ZNF33B: variants seen among roughly 807,000 people sequenced by gnomAD.
ZNF33B encodes zinc finger protein 11b (KOX 2).
In ZNF33B, 29 loss-of-function variants were observed where a neutral mutation model predicts 45.8. The ratio of observed to expected loss-of-function variants is 0.63; its 90% CI spans 0.47 to 0.86. The LOEUF (loss-of-function observed/expected upper bound fraction) is 0.86. Among genes scored for constraint, ZNF33B ranks in the 40% least tolerant of loss-of-function variants. The pLI, the probability that ZNF33B is intolerant of heterozygous loss-of-function variation, is 0.00. For synonymous variants in ZNF33B, 305 were observed against 307.8 expected (o/e 0.99, Z 0.10); for missense variants, 831 against 909.9 (o/e 0.91, Z 1.12).
At chr10:42,598,865 C>CT (rs1837504654) in intron 4 of ZNF33B, among the ~76,000 whole-genome samples, 2 of 152,148 alleles carry the variant, frequency 1.3e-5, no homozygotes, top group Admixed American at 1.3e-4. Context: ...TGCAATGTCT[C>CT]TGTCTGGTTT....
At chr10:42,587,730 C>T (rs538351201), downstream of ZNF33B, among the ~76,000 whole-genome samples, 5 of 152,324 alleles carry the variant, frequency 3.3e-5, no homozygotes, top group East Asian at 7.7e-4. Context: ...CATGCTCAGG[C>T]ACACTGGCGA....
At chr10:42,607,181 G>A (rs147637999) in intron 4 of ZNF33B, among the ~76,000 whole-genome samples, 1 of 152,128 alleles carries the variant, frequency 6.6e-6, no homozygotes, top group Non-Finnish European at 1.5e-5. Flanking sequence ...TATTTTACTA[G>A]AGTTAAGGTA....
At chr10:42,617,012 A>G (rs1303004843) in intron 4 of ZNF33B, among the ~76,000 whole-genome samples, 1 of 150,934 alleles carries the variant, frequency 6.6e-6, no homozygotes, top group Non-Finnish European at 1.5e-5. Context: ...ATCTTTATTA[A>G]AGATTAAGAA....
At chr10:42,636,596 C>T (rs935796756) in intron 2 of ZNF33B, among the ~76,000 whole-genome samples, 13 of 152,262 alleles carry the variant, frequency 8.5e-5, no homozygotes, top group African/African-American at 2.4e-4. Flanking sequence ...CCGAGGCGGG[C>T]GGATTGCCTG....
At chr10:42,637,618 T>C (rs1307890403) in intron 1 of ZNF33B, among the ~76,000 whole-genome samples, 1 of 152,190 alleles carries the variant, frequency 6.6e-6, no homozygotes, top group Non-Finnish European at 1.5e-5. Context: ...AAAATTATTT[T>C]TTCTTCTAAC....
At chr10:42,609,761 T>C (rs1838026195) in intron 4 of ZNF33B, among the ~76,000 whole-genome samples, 1 of 152,190 alleles carries the variant, frequency 6.6e-6, no homozygotes, top group Admixed American at 6.5e-5. Flanking sequence ...TGGTTTATCA[T>C]TTGAAAATCA....
At chr10:42,584,912 G>A (rs555966450), downstream of ZNF33B, among the ~76,000 whole-genome samples, 2 of 152,298 alleles carry the variant, frequency 1.3e-5, no homozygotes, top group African/African-American at 4.8e-5. Context: ...AACCCTCCAT[G>A]GCCTGCAGCC....
intron 1 of ZNF33B, among the ~76,000 whole-genome samples, chr10:42,580,207 A>T (rs1187584383): frequency 2.6e-5 from 4 of 152,108 alleles, no homozygotes. Flanking sequence ...GGCTGCCATA[A>T]AGTCCCGTTT....
At position 42,611,276 on chromosome 10, in the gene ZNF33B, A is replaced by C. The variant is rs184832724; in HGVS notation, c.251-16577T>G. Among the ~76,000 whole-genome samples the C allele has an allele frequency of 9.5e-3, 1,446 of 152,108 alleles. 23 individuals carry two copies. The highest frequency in any genetic ancestry group is 0.032 in the African/African-American group (1,312 of 41,510). ...GAAATGCTTGAACCTGGGGGGCAGA[A>C]GTTGCAGTGAGCCAAGATCATGCCA... is the stretch of plus-strand genomic sequence containing the variant. On this transcript the variant is annotated intron_variant, in intron 4 of 4. Coordinates refer to ENST00000359467, the MANE Select transcript of ZNF33B (RefSeq NM_006955.3).
intron 1 of ZNF33B, chr10:42,583,499 T>C (rs926309501): frequency 1.1e-4 from 27 of 254,432 alleles, no homozygotes; most frequent in Non-Finnish European, 1.6e-4. Context: ...TTCTTTGTTA[T>C]GAGGGTGCTG....
chr10:42,634,024 C>T (rs1285321327), intron 2 of ZNF33B, among the ~76,000 whole-genome samples: 7 of 150,708 alleles, frequency 4.6e-5, no homozygotes, highest in Non-Finnish European at 1.0e-4. Context: ...ACAAGGACTA[C>T]AGAGACATTT....
chr10:42,595,347 G>A (rs1374047341), intron 4 of ZNF33B, among the ~76,000 whole-genome samples: 1 of 152,182 alleles, frequency 6.6e-6, no homozygotes, highest in African/African-American at 2.4e-5. Flanking sequence ...GGAAATCCAA[G>A]AGAAGAGACT....
chr10:42,620,582 AT>A (rs1332095402), intron 4 of ZNF33B, among the ~76,000 whole-genome samples: 1 of 149,892 alleles, frequency 6.7e-6, no homozygotes, highest in Non-Finnish European at 1.5e-5. Context: ...TTTTTTTTTA[AT>A]TTTTTTTGTA....
At position 42,594,556 on chromosome 10, in the gene ZNF33B, A is replaced by C. The variant is rs1248699607; in HGVS notation, c.394T>G (p.Ser132Ala). ...CAGAACATTTTTCTGGAAGGAAAAG[A>C]ACTTACGTCCATGTTAAATGGTATT... ...IGIPFNMDVSSFPSRKMFCQY... is the reference protein window; with the variant it reads ...IGIPFNMDVSAFPSRKMFCQY... Residue 132 changes from serine (S) to alanine (A), a missense_variant, in exon 5 of 5, where the codon TCT (serine) becomes GCT (alanine). Ser to Ala is a moderately conservative substitution (Grantham distance 99). Transcript: ENST00000359467. 2.0e-5 allele frequency: 32 copies of C among 1,613,350 alleles called. No homozygotes were observed. Among genetic ancestry groups the C allele is most frequent in the Non-Finnish European group, 2.6e-5 (31 of 1,179,734 alleles).
intron 1 of ZNF33B, among the ~76,000 whole-genome samples, chr10:42,575,795 A>G (rs1356234204): frequency 6.6e-6 from 1 of 150,984 alleles, no homozygotes; most frequent in Non-Finnish European, 1.5e-5. Flanking sequence ...CACTAGAGCA[A>G]TCTCAGCTCA....
In ZNF33B at chr10:42,592,114, C is replaced by T. The variant is rs1446558401; in HGVS notation, c.*499G>A. 6.2e-6 allele frequency: 1 copy of T among 161,184 alleles called. No homozygotes were observed. The highest frequency in any genetic ancestry group is 6.2e-5 in the Admixed American group (1 of 16,048). 10.0% of individuals were successfully genotyped at this position (161,184 alleles called of 1,614,324 possible). A position where few individuals can be genotyped will look rare whatever the true frequency, so the allele number is the denominator to read the frequency against. On this transcript the variant is annotated 3_prime_UTR_variant, in exon 5 of 5. Coordinates refer to ENST00000359467, the MANE Select transcript of ZNF33B (RefSeq NM_006955.3). ...CGGGAATTCTCTGTACTCATTACAA[C>T]TTCTTGTGAGGTTATTTTAATTATT...
intron 4 of ZNF33B, among the ~76,000 whole-genome samples, chr10:42,621,381 T>G (rs1449496864): frequency 4.0e-5 from 6 of 151,806 alleles, no homozygotes; most frequent in Non-Finnish European, 8.8e-5. Flanking sequence ...ATGATGCGTA[T>G]GAATACAGAT....
chr10:42,593,942 T>C lies in ZNF33B; in HGVS notation c.1008A>G (p.Lys336=). 6.2e-7 allele frequency: 1 copy of C among 1,614,082 alleles called. No homozygotes were observed. The highest frequency in any genetic ancestry group is 8.5e-7 in the Non-Finnish European group (1 of 1,179,944). Residue 336 remains lysine (K), a synonymous_variant, in exon 5 of 5, where the codon AAA becomes AAG. Coordinates refer to ENST00000359467, the MANE Select transcript of ZNF33B (RefSeq NM_006955.3). ...TGAGATGTGACTTCTCCCAGAAAGC[T>C]TTCCCACATTCATTACATTCAAAGT... The part of the protein sequence containing the change: ...EKHFECNECG[K]AFWEKSHLTR...
chr10:42,622,943 C>A (rs1445411839), intron 4 of ZNF33B, among the ~76,000 whole-genome samples: 5 of 152,162 alleles, frequency 3.3e-5, no homozygotes, highest in Admixed American at 3.3e-4. Context: ...GGATTCTTAA[C>A]TATGACATAA....
Sources: allele counts gnomAD v4.1 joint callset (sites outside exome capture counted in the v4.1 genomes callset), GRCh38; gene constraint gnomAD v4.1.1; transcripts MANE v1.5; gene names NCBI Gene and HGNC (gene_info 2026-07-23, HGNC 2026-07-21).